The following RYR1 variants were observed in gnomAD, a reference collection of about 807,000 sequenced individuals.
RYR1 encodes ryanodine receptor 1.
Under a neutral mutation model 583.5 loss-of-function variants are expected in RYR1, and 342 were observed. The observed-to-expected ratio is 0.59, with a 90% CI of 0.54 to 0.64. The LOEUF (loss-of-function observed/expected upper bound fraction) is 0.64. Among genes scored for constraint, RYR1 ranks in the 30% least tolerant of loss-of-function variants. The pLI is 0.00. For missense variants in RYR1, 6,032 were observed against 6,917.2 expected (o/e 0.87, Z 4.54); for synonymous variants, 2,791 against 2,822.5 (o/e 0.99, Z 0.35).
intron 36 of RYR1, 126 bp downstream of exon 36, chr19:38,490,402 T>G (rs1389002377): frequency 3.1e-6 from 3 of 972,142 alleles, no homozygotes; most frequent in African/African-American, 3.2e-5. Flanking sequence ...AGTGATACAT[T>G]TATCTCCTAC....
rs149569999 is a variant in RYR1, at chr19:38,516,078, G to A, written c.9555-9G>A. 1.6e-3 allele frequency: 2,525 copies of A among 1,547,376 alleles called. 15 individuals carry two copies. The highest frequency in any genetic ancestry group is 3.6e-3 in the Middle Eastern group (16 of 4,478). Reference sequence around the variant, plus strand: ...ACACGTGGCAGCTAAACACAGCCCCGTCTTCCAGGCTTCGGCCAGCCCTCG... The same window carrying A: ...ACACGTGGCAGCTAAACACAGCCCCATCTTCCAGGCTTCGGCCAGCCCTCG... On this transcript the variant is annotated splice_polypyrimidine_tract_variant and intron_variant, in intron 64 of 105. Coordinates refer to ENST00000359596, the MANE Select transcript of RYR1 (RefSeq NM_000540.3).
intron 101 of RYR1, among the ~76,000 whole-genome samples, chr19:38,580,864 A>G (rs1245552813): frequency 6.7e-6 from 1 of 149,486 alleles, no homozygotes; most frequent in Non-Finnish European, 1.5e-5. Flanking sequence ...TGAAAATAGT[A>G]CCTACAGTTT....
rs1972310142 is a variant in RYR1, at chr19:38,433,883, C to A, written c.45+9C>A. The A allele has an allele frequency of 6.2e-7, 1 of 1,612,764 alleles. No homozygotes were observed. The highest frequency in any genetic ancestry group is 2.2e-5 in the East Asian group (1 of 44,868). On this transcript the variant is annotated intron_variant, in intron 1 of 105. Transcript: ENST00000359596. ...TCCAGTTCCTGCGGACGGTGCGTAT[C>A]TCTGGGTTAGGGGCCTGTGGGGCTA...
At position 38,565,360 on chromosome 19, in the gene RYR1, C is replaced by T. The variant is rs2145845353; in HGVS notation, c.13026C>T (p.Arg4342=). The change falls in exon 91 of 106, where the codon CGC becomes CGT. Residue 4342 remains arginine, a synonymous_variant. Coordinates refer to ENST00000359596, the MANE Select transcript of RYR1 (RefSeq NM_000540.3). This position sits in a 1 kb window ranked among gnomAD's most constrained non-coding sequence, Gnocchi z 4.7. ...VAALLWAAVT[R]AGAAGAGAAA... is the part of the protein sequence containing the mutation. ...CGCTGCTCTGGGCAGCAGTGACGCGCGCTGGGGCCGCTGGCGCGGGGGCGG... is the reference window on the plus strand; with the variant it reads ...CGCTGCTCTGGGCAGCAGTGACGCGTGCTGGGGCCGCTGGCGCGGGGGCGG... The T allele has an allele frequency of 1.2e-5, 16 of 1,311,722 alleles. No individual in the cohort carries two copies. The highest frequency in any genetic ancestry group is 1.5e-5 in the Non-Finnish European group (16 of 1,040,296). The allele number at this position is 1,311,722 out of a possible 1,614,324, so 81.3% of individuals were successfully genotyped here.
intron 53 of RYR1, 117 bp downstream of exon 53, chr19:38,505,515 T>G (rs1970404461): frequency 1.2e-6 from 1 of 825,576 alleles, no homozygotes; most frequent in Non-Finnish European, 2.0e-6. Context: ...GTGGGTTAGG[T>G]CTCCCCATTC....
intron 64 of RYR1, among the ~76,000 whole-genome samples, chr19:38,515,558 C>T (rs1428376569): frequency 6.6e-6 from 1 of 152,150 alleles, no homozygotes; most frequent in Non-Finnish European, 1.5e-5. Context: ...CTTTGGGAGG[C>T]TGAGGCGGGA....
rs1210759640 is a variant in RYR1 at position 38,459,309 on chromosome 19, C to T, written c.2331C>T (p.Phe777=). 6.2e-7 allele frequency: 1 copy of T among 1,614,138 alleles called. No individual in the cohort carries two copies. The highest frequency in any genetic ancestry group is 1.3e-5 in the African/African-American group (1 of 75,026). The change falls in exon 19 of 106, where the codon TTC becomes TTT. Residue 777 remains phenylalanine (F), a synonymous_variant. Coordinates refer to ENST00000359596, the MANE Select transcript of RYR1 (RefSeq NM_000540.3). Reference sequence around the variant, plus strand: ...CCTTCAACCTGGACGGGCTCTTCTTCCCTGTTGTCAGCTTCTCGGCTGGTG... The same window carrying T: ...CCTTCAACCTGGACGGGCTCTTCTTTCCTGTTGTCAGCTTCTCGGCTGGTG... ...FESFNLDGLF[F]PVVSFSAGVK... is the part of the protein sequence containing the mutation.
At position 38,504,270 on chromosome 19, in the gene RYR1, G is replaced by A. The variant is rs2229144; in HGVS notation, c.7977G>A (p.Thr2659=). The A allele has an allele frequency of 0.28, 454,478 of 1,613,528 alleles. 68,314 individuals carry two copies. The highest frequency in any genetic ancestry group is 0.46 in the African/African-American group (34,561 of 74,832). Residue 2659 remains threonine, a synonymous_variant, in exon 50 of 106, where the codon ACG becomes ACA. Transcript: ENST00000359596. ...ERCWKYYCLP[T]GWANFGVTSE... is the part of the protein sequence containing the mutation. ...GTTGGAAGTACTACTGCCTACCCAC[G>A]GGCTGGGCCAACTTCGGGGTCACCT...
At chr19:38,521,209 G>A (rs1431733938) in intron 67 of RYR1, among the ~76,000 whole-genome samples, 3 of 152,096 alleles carry the variant, frequency 2.0e-5, no homozygotes, top group Admixed American at 1.3e-4. Context: ...TGGGAGGATC[G>A]TTTGAGCCCA....
chr19:38,583,309 A>G (rs1219792242), intron 101 of RYR1, among the ~76,000 whole-genome samples: 4 of 151,306 alleles, frequency 2.6e-5, no homozygotes, highest in African/African-American at 7.3e-5. Flanking sequence ...AAAAAAAAAA[A>G]AAAAGAAAAA....
At chr19:38,469,588 T>C in intron 27 of RYR1, 75 bp downstream of exon 27, 1 of 1,442,222 alleles carries the variant, frequency 6.9e-7, no homozygotes, top group South Asian at 1.1e-5. Flanking sequence ...TTCTTTGAGT[T>C]TCTCTTTTCC....
intron 63 of RYR1, among the ~76,000 whole-genome samples, chr19:38,514,259 A>G (rs1970852873): frequency 6.7e-6 from 1 of 149,504 alleles, no homozygotes; most frequent in African/African-American, 2.5e-5. Flanking sequence ...CTGAGACCCC[A>G]TCTCTAAAAA....
intron 37 of RYR1, among the ~76,000 whole-genome samples, chr19:38,491,472 C>T (rs1199923939): frequency 6.6e-6 from 1 of 151,332 alleles, no homozygotes; most frequent in Non-Finnish European, 1.5e-5. Flanking sequence ...CTCTGTCACC[C>T]AGCAGGAGTG....
rs759666334 is a variant in RYR1 at position 38,580,113 on chromosome 19, C to T, written c.14496C>T (p.Thr4832=). ...KTLRTILSSV[T]HNGKQLVMTV... ...TGCGCACCATCCTGTCCTCTGTCAC[C>T]CACAATGGGAAACAGGTGTGGGGAG... The change falls in exon 100 of 106, where the codon ACC becomes ACT. Residue 4832 remains threonine (T), a synonymous_variant. Transcript: ENST00000359596. 10 of 1,614,208 alleles carry T rather than the reference C, an allele frequency of 6.2e-6. No homozygotes were observed. The highest frequency in any genetic ancestry group is 8.5e-6 in the Non-Finnish European group (10 of 1,180,036).
chr19:38,550,140 A>C (rs1972606182), intron 89 of RYR1, among the ~76,000 whole-genome samples: 1 of 152,118 alleles, frequency 6.6e-6, no homozygotes, highest in Admixed American at 6.6e-5. Context: ...CAATTATGCT[A>C]ATCAGGAAAT....
chr19:38,434,797 C>T (rs902249571), intron 1 of RYR1, among the ~76,000 whole-genome samples: 1 of 152,162 alleles, frequency 6.6e-6, no homozygotes, highest in African/African-American at 2.4e-5. Context: ...GTCCTCTCCT[C>T]TGGGCTAGGT....
At chr19:38,474,043 T>C (rs1283462683) in intron 28 of RYR1, among the ~76,000 whole-genome samples, 1 of 152,218 alleles carries the variant, frequency 6.6e-6, no homozygotes, top group Non-Finnish European at 1.5e-5. Context: ...CCCAAAGGGC[T>C]TCGCCCAATG....
chr19:38,520,495 G>A (rs758482112), intron 67 of RYR1, among the ~76,000 whole-genome samples: 5 of 151,478 alleles, frequency 3.3e-5, no homozygotes, highest in Non-Finnish European at 7.4e-5. Context: ...AGGTGTTTGA[G>A]ACCAGCCTGG....
intron 84 of RYR1, 150 bp downstream of exon 84, chr19:38,538,110 T>G: frequency 1.3e-6 from 1 of 767,934 alleles, no homozygotes; most frequent in Non-Finnish European, 2.2e-6. Flanking sequence ...TCAAAATCTC[T>G]CTGGAGGCTG....
Sources: gnomAD v4.1 joint callset for allele counts (sites outside exome capture counted in the v4.1 genomes callset) on GRCh38, gnomAD v4.1.1 for gene constraint, Gnocchi (gnomAD v3.1) non-coding constraint, MANE v1.5 for transcripts, NCBI Gene and HGNC (gene_info 2026-07-23, HGNC 2026-07-21) for gene names.